The following ZSWIM6 variants were observed in gnomAD, a reference collection of about 807,000 sequenced individuals.
ZSWIM6 encodes the protein zinc finger SWIM-type containing 6.
Under a neutral mutation model 113.2 loss-of-function variants are expected in ZSWIM6, and 9 were observed. The ratio of observed to expected loss-of-function variants is 0.08; its 90% CI spans 0.05 to 0.14. The LOEUF is 0.14. Among genes scored for constraint, ZSWIM6 ranks in the 10% least tolerant of loss-of-function variants. ZSWIM6 has a pLI of 1.00. For synonymous variants in ZSWIM6, 611 were observed against 606.5 expected (o/e 1.01, Z -0.11); for missense variants, 1,162 against 1,552.2 (o/e 0.75, Z 4.22).
At chr5:61,456,094 C>T (rs567911876) in intron 1 of ZSWIM6, among the ~76,000 whole-genome samples, 1 of 152,168 alleles carries the variant, frequency 6.6e-6, no homozygotes, top group African/African-American at 2.4e-5. Flanking sequence ...AGGTATCAAT[C>T]TTTTATTTCT....
intron 1 of ZSWIM6, among the ~76,000 whole-genome samples, chr5:61,345,246 G>T (rs1203561983): frequency 6.6e-6 from 1 of 152,144 alleles, no homozygotes; most frequent in Non-Finnish European, 1.5e-5. Context: ...TAACTCATTT[G>T]TGTGTGTTTA....
intron 5 of ZSWIM6, among the ~76,000 whole-genome samples, chr5:61,522,540 C>T (rs1037667523): frequency 1.3e-5 from 2 of 152,122 alleles, no homozygotes; most frequent in African/African-American, 2.4e-5. Flanking sequence ...ATGTATTACT[C>T]CATAGGGACT....
At chr5:61,430,931 A>T (rs1246308099) in intron 1 of ZSWIM6, among the ~76,000 whole-genome samples, 1 of 152,224 alleles carries the variant, frequency 6.6e-6, no homozygotes, top group African/African-American at 2.4e-5. Flanking sequence ...TACGAAAATA[A>T]GAACTTTAAG....
At chr5:61,430,753 G>T (rs1746564224) in intron 1 of ZSWIM6, among the ~76,000 whole-genome samples, 1 of 152,112 alleles carries the variant, frequency 6.6e-6, no homozygotes, top group South Asian at 2.1e-4. Context: ...TTATGAAAAT[G>T]AATGATTTTT....
At position 61,449,144 on chromosome 5, in the gene ZSWIM6, A is replaced by G. The variant is rs543468068; in HGVS notation, c.677-23537A>G. 3.3e-5 allele frequency among the ~76,000 whole-genome samples: 5 copies of G among 152,318 alleles called. 1 individual carries two copies. The highest frequency in any genetic ancestry group is 9.6e-5 in the African/African-American group (4 of 41,572). On this transcript the variant is annotated intron_variant, in intron 1 of 13. Coordinates refer to ENST00000252744, the MANE Select transcript of ZSWIM6 (RefSeq NM_020928.2). ...ATCCTAATGATAGAATAGAGCAGTAATTTAGAAAGTACCTACACCAGTAGG... is the reference window on the plus strand; with the variant it reads ...ATCCTAATGATAGAATAGAGCAGTAGTTTAGAAAGTACCTACACCAGTAGG...
rs986418928 is a variant in ZSWIM6, at chr5:61,472,247, G to A, written c.677-434G>A. 3.3e-5 allele frequency among the ~76,000 whole-genome samples: 5 copies of A among 152,132 alleles called. No individual in the cohort carries two copies. Among genetic ancestry groups the A allele is most frequent in the Non-Finnish European group, 7.4e-5 (5 of 68,016 alleles). On this transcript the variant is annotated intron_variant, in intron 1 of 13. Coordinates refer to ENST00000252744, the MANE Select transcript of ZSWIM6 (RefSeq NM_020928.2). The surrounding 1 kb of genome is among the most constrained non-coding windows in gnomAD (Gnocchi z 4.1). ...GAATAAAGGTGGGGAGAGTTAGTTT[G>A]TTTTTGAGAAGAAAGCTGAGCTAGG...
intron 1 of ZSWIM6, among the ~76,000 whole-genome samples, chr5:61,381,075 C>A (rs759049245): frequency 6.6e-6 from 1 of 151,848 alleles, no homozygotes; most frequent in African/African-American, 2.4e-5. Context: ...ACGTCGAAAC[C>A]CTGTCTCCAC....
At chr5:61,457,286 G>A (rs1488280946) in intron 1 of ZSWIM6, among the ~76,000 whole-genome samples, 6 of 152,192 alleles carry the variant, frequency 3.9e-5, no homozygotes, top group Non-Finnish European at 7.4e-5. Flanking sequence ...AACGTTTGAT[G>A]AGCTGATGTG....
rs1468501760 is a variant in ZSWIM6 at position 61,521,441 on chromosome 5, A to C, written c.1512A>C (p.Gln504His). The change falls in exon 5 of 14, where the codon CAA becomes CAC. Residue 504 changes from glutamine to histidine, a missense_variant and splice_region_variant. By Grantham distance (24) the Gln-to-His change is conservative. This residue lies in a region of ZSWIM6 where 620 missense variants were observed against 804.6 expected (regional missense o/e 0.77). Coordinates refer to ENST00000252744, the MANE Select transcript of ZSWIM6 (RefSeq NM_020928.2). Reference sequence around the variant, plus strand: ...TGCCTCAGGGTGCAAATGCCAACCAAGGTGAGTCTACCATAATGTTCTGCT... The same window carrying C: ...TGCCTCAGGGTGCAAATGCCAACCACGGTGAGTCTACCATAATGTTCTGCT... The part of the protein sequence containing the change: ...NALPQGANAN[Q>H]DSSNRPHRTV... The C allele has an allele frequency of 6.9e-7, 1 of 1,458,286 alleles. No individual in the cohort carries two copies. Among genetic ancestry groups the C allele is most frequent in the Non-Finnish European group, 9.1e-7 (1 of 1,098,106 alleles). The allele number at this position is 1,458,286 out of a possible 1,614,324, so 90.3% of individuals were successfully genotyped here. A position where few individuals can be genotyped will look rare whatever the true frequency, so the allele number is the denominator to read the frequency against.
At position 61,505,906 on chromosome 5, in the gene ZSWIM6, C is replaced by T. The variant is rs527903858; in HGVS notation, c.1333+11496C>T. On this transcript the variant is annotated intron_variant, in intron 4 of 13. Transcript: ENST00000252744. ...GGATTACAGGCGTCCACCACCATGC[C>T]CAGCTAATTTTTTGTATTTTTAGTA... is the stretch of plus-strand genomic sequence containing the variant. 9.9e-5 allele frequency among the ~76,000 whole-genome samples: 15 copies of T among 151,820 alleles called. No homozygotes were observed. The South Asian group carries it at 3.1e-3, about 32-fold the overall frequency.
chr5:61,402,221 C>T (rs575984654), intron 1 of ZSWIM6, among the ~76,000 whole-genome samples: 14 of 152,206 alleles, frequency 9.2e-5, no homozygotes, highest in African/African-American at 3.4e-4. Context: ...AGCACACATT[C>T]TGTAGAATTA....
chr5:61,376,507 T>A (rs1745376322), intron 1 of ZSWIM6, among the ~76,000 whole-genome samples: 1 of 136,436 alleles, frequency 7.3e-6, no homozygotes. Context: ...GATGCTGTCA[T>A]ATGCTGCTTT....
intron 4 of ZSWIM6, among the ~76,000 whole-genome samples, chr5:61,496,342 A>C (rs990501750): frequency 1.3e-5 from 2 of 152,158 alleles, no homozygotes; most frequent in African/African-American, 2.4e-5. Context: ...AATGGGGTCT[A>C]AGTTCTGTGA....
intron 1 of ZSWIM6, among the ~76,000 whole-genome samples, chr5:61,423,362 C>G (rs767220634): frequency 6.6e-5 from 10 of 150,684 alleles, no homozygotes; most frequent in African/African-American, 2.4e-4. Context: ...GAGCTGAGAT[C>G]GTGCTATTGC....
At chr5:61,506,007 A>T (rs1307861032) in intron 4 of ZSWIM6, among the ~76,000 whole-genome samples, 1 of 151,624 alleles carries the variant, frequency 6.6e-6, no homozygotes, top group Non-Finnish European at 1.5e-5. Flanking sequence ...CGACCTCCCA[A>T]AGTGCTGGGA....
intron 2 of ZSWIM6, among the ~76,000 whole-genome samples, chr5:61,474,558 CT>C (rs1299571578): frequency 6.6e-6 from 1 of 152,098 alleles, no homozygotes; most frequent in Admixed American, 6.6e-5. Context: ...TGTTATTTTA[CT>C]TTTTTTCATG....
At chr5:61,480,041 T>C (rs1747813723) in intron 2 of ZSWIM6, among the ~76,000 whole-genome samples, 1 of 152,166 alleles carries the variant, frequency 6.6e-6, no homozygotes, top group African/African-American at 2.4e-5. Context: ...CCTGAGAACT[T>C]TGCACTTAAA....
intron 1 of ZSWIM6, among the ~76,000 whole-genome samples, chr5:61,417,504 A>G (rs1746281058): frequency 6.6e-6 from 1 of 152,200 alleles, no homozygotes; most frequent in South Asian, 2.1e-4. Flanking sequence ...ACAGTTTCAG[A>G]ACTGTAGAAC....
At chr5:61,475,165 AAT>A (rs1747678680) in intron 2 of ZSWIM6, among the ~76,000 whole-genome samples, 1 of 152,188 alleles carries the variant, frequency 6.6e-6, no homozygotes, top group African/African-American at 2.4e-5. Flanking sequence ...CAGAGAACAG[AAT>A]ATACCATTTC....
Sources: gnomAD v4.1 joint callset for allele counts (sites outside exome capture counted in the v4.1 genomes callset) on GRCh38, gnomAD v4.1.1 for gene constraint, gnomAD v4.1.1 regional missense constraint, Gnocchi (gnomAD v3.1) non-coding constraint, MANE v1.5 for transcripts, NCBI Gene and HGNC (gene_info 2026-07-23, HGNC 2026-07-21) for gene names.